MYO3A: variants seen among roughly 807,000 people sequenced by gnomAD.
MYO3A encodes the protein myosin-IIIa.
A neutral mutation model predicts 192.7 loss-of-function variants in MYO3A; 180 were observed. The observed-to-expected ratio is 0.93, with a 90% confidence interval of 0.83 to 1.06. The LOEUF (loss-of-function observed/expected upper bound fraction) is 1.06. MYO3A is among the 50% of genes least tolerant of loss of function. The pLI is 0.00. For missense variants in MYO3A, 1,896 were observed against 1,905.0 expected, an observed-to-expected ratio of 1.00 and a Z score of 0.09; for synonymous variants, 628 against 645.3, an observed-to-expected ratio of 0.97 and a Z score of 0.41.
intron 4 of MYO3A, among the ~76,000 whole-genome samples, chr10:25,974,409 T>C (rs1397825649): frequency 1.3e-5 from 2 of 152,228 alleles, no homozygotes; most frequent in Non-Finnish European, 2.9e-5. Flanking sequence ...AATCTCACTC[T>C]TTTCAAGAGT....
intron 4 of MYO3A, among the ~76,000 whole-genome samples, chr10:25,977,912 T>C (rs1224854876): frequency 6.6e-6 from 1 of 151,758 alleles, no homozygotes; most frequent in Non-Finnish European, 1.5e-5. Flanking sequence ...GAGACAGGAG[T>C]GGGGAGGTTC....
intron 14 of MYO3A, among the ~76,000 whole-genome samples, chr10:26,087,226 C>A (rs1389182999): frequency 6.6e-6 from 1 of 152,202 alleles, no homozygotes; most frequent in Non-Finnish European, 1.5e-5. Context: ...GAGCCAAGTT[C>A]ATCCCCCAAA....
At chr10:25,997,279 ATGAG>A in intron 6 of MYO3A, 21 bp downstream of exon 6, 1 of 1,524,370 alleles carries the variant, frequency 6.6e-7, no homozygotes, top group Non-Finnish European at 9.1e-7. Context: ...TTTAAAATGC[ATGAG>A]TTTTAACTCC....
intron 17 of MYO3A, among the ~76,000 whole-genome samples, chr10:26,119,689 A>G (rs916508221): frequency 9.2e-5 from 14 of 152,210 alleles, no homozygotes; most frequent in African/African-American, 3.1e-4. Flanking sequence ...TCACTGCACC[A>G]TGAACATAGT....
At chr10:26,201,494 C>T (rs1172251937) in intron 33 of MYO3A, among the ~76,000 whole-genome samples, 189 bp downstream of exon 33, 1 of 151,752 alleles carries the variant, frequency 6.6e-6, no homozygotes, top group Non-Finnish European at 1.5e-5. Context: ...TCCTGGCTAA[C>T]ACGGTGAAAC....
chr10:26,011,551 C>A (rs180925860), intron 6 of MYO3A, among the ~76,000 whole-genome samples: 23 of 152,168 alleles, frequency 1.5e-4, no homozygotes, highest in African/African-American at 4.8e-4. Flanking sequence ...AAGCATACAA[C>A]CCTCCTAGAT....
intron 32 of MYO3A, among the ~76,000 whole-genome samples, chr10:26,195,929 C>T (rs1051049133): frequency 6.6e-6 from 1 of 152,128 alleles, no homozygotes; most frequent in African/African-American, 2.4e-5. Flanking sequence ...CAACCTGACA[C>T]ATAGCAGGCA....
intron 17 of MYO3A, among the ~76,000 whole-genome samples, chr10:26,119,517 A>T (rs1001862118): frequency 1.3e-5 from 2 of 152,204 alleles, no homozygotes; most frequent in East Asian, 3.8e-4. Context: ...ATTATGTATG[A>T]GTAAATGCAT....
chr10:26,010,993 A>T (rs1426420729), intron 6 of MYO3A, among the ~76,000 whole-genome samples: 1 of 151,872 alleles, frequency 6.6e-6, no homozygotes, highest in East Asian at 1.9e-4. Flanking sequence ...TGTCAAATAT[A>T]GCATTCTGTT....
chr10:26,097,312 A>G (rs1837099846), intron 17 of MYO3A, among the ~76,000 whole-genome samples: 1 of 152,038 alleles, frequency 6.6e-6, no homozygotes, highest in African/African-American at 2.4e-5. Flanking sequence ...CTCACTTAGC[A>G]TGTTTGCAAG....
At chr10:26,009,013 T>C (rs1006728706) in intron 6 of MYO3A, among the ~76,000 whole-genome samples, 1 of 151,776 alleles carries the variant, frequency 6.6e-6, no homozygotes, top group Non-Finnish European at 1.5e-5. Flanking sequence ...ATTAAGAAAA[T>C]GTGACACATA....
intron 10 of MYO3A, among the ~76,000 whole-genome samples, chr10:26,044,037 G>A (rs72793974): frequency 1.3e-5 from 2 of 151,984 alleles, no homozygotes; most frequent in Non-Finnish European, 2.9e-5. Context: ...GTGATGGGTC[G>A]TGCCAGGTCT....
chr10:26,181,945 G>A (rs1027935341), intron 31 of MYO3A, among the ~76,000 whole-genome samples: 2 of 152,172 alleles, frequency 1.3e-5, no homozygotes, highest in African/African-American at 4.8e-5. Flanking sequence ...TTCACATATG[G>A]AATATTAACA....
rs369899457 is a variant in MYO3A, at chr10:26,106,085, A to G, written c.1776+9403A>G. Reference sequence around the variant, plus strand: ...TCCTGCTCTCGCTTTCTTCTTTTCCATATTTTCCTTAGCTATTGTTTAGCA... The same window carrying G: ...TCCTGCTCTCGCTTTCTTCTTTTCCGTATTTTCCTTAGCTATTGTTTAGCA... On this transcript the variant is annotated intron_variant, in intron 17 of 34. Coordinates refer to ENST00000642920, the MANE Select transcript of MYO3A (RefSeq NM_017433.5). Among the ~76,000 whole-genome samples the G allele has an allele frequency of 3.2e-4, 48 of 152,076 alleles. No homozygotes were observed. In the East Asian group the frequency reaches 5.4e-3, roughly 17 times the overall value.
intron 10 of MYO3A, among the ~76,000 whole-genome samples, chr10:26,065,585 CAAAAAAAAAAAAAAA>C (rs33982842): frequency 1.3e-4 from 3 of 23,244 alleles, no homozygotes; most frequent in Non-Finnish European, 2.3e-4. Context: ...ACTCCATCTC[CAAAAAAAAAAAAAAA>C]AAAAAAAAAA....
At chr10:26,122,164 T>C (rs4749092) in intron 18 of MYO3A, among the ~76,000 whole-genome samples, 19,474 of 152,142 alleles carry the variant, frequency 0.13, 1,639 homozygotes, top group East Asian at 0.31. Context: ...ATGGAATGAG[T>C]TGCAATAGAG....
intron 23 of MYO3A, among the ~76,000 whole-genome samples, chr10:26,150,518 CTGAGT>C (rs1840734116): frequency 6.6e-6 from 1 of 152,160 alleles, no homozygotes; most frequent in Non-Finnish European, 1.5e-5. Context: ...ATAAAGCTAT[CTGAGT>C]TATCTAATTT....
chr10:26,090,855 G>A (rs2131525852), intron 15 of MYO3A, among the ~76,000 whole-genome samples: 1 of 152,352 alleles, frequency 6.6e-6, no homozygotes, highest in East Asian at 1.9e-4. Flanking sequence ...ACTAACAGGG[G>A]TGAGGAGCCA....
At chr10:26,176,945 C>A in intron 31 of MYO3A, 100 bp downstream of exon 31, 1 of 1,373,460 alleles carries the variant, frequency 7.3e-7, no homozygotes. Flanking sequence ...TTTGAGGAGC[C>A]TGTGTCCTGT....
Sources: gnomAD v4.1 joint callset for allele counts (sites outside exome capture counted in the v4.1 genomes callset) on GRCh38, gnomAD v4.1.1 for gene constraint, MANE v1.5 for transcripts, NCBI Gene and HGNC (gene_info 2026-07-23, HGNC 2026-07-21) for gene names.